The following PARD3 variants were observed in gnomAD, a reference collection of about 807,000 sequenced individuals.
PARD3 encodes par-3 family cell polarity regulator.
A neutral mutation model predicts 155.4 loss-of-function variants in PARD3; 75 were observed. The ratio of observed to expected loss-of-function variants is 0.48; its 90% CI spans 0.40 to 0.58. The LOEUF (loss-of-function observed/expected upper bound fraction) is 0.58, where lower values mean the gene tolerates loss of function less well. PARD3 is among the 20% of genes least tolerant of loss of function. PARD3 has a pLI of 0.00. For missense variants in PARD3, 1,642 were observed against 1,721.7 expected (o/e 0.95, Z 0.82); for synonymous variants, 576 against 610.5 (o/e 0.94, Z 0.83).
chr10:34,225,396 A>G (rs770648818), intron 22 of PARD3, among the ~76,000 whole-genome samples: 1 of 150,688 alleles, frequency 6.6e-6, no homozygotes, highest in Non-Finnish European at 1.5e-5. Context: ...CCCAGGCTGG[A>G]GTGCAGTGGC....
chr10:34,713,804 A>T (rs1167411369), intron 1 of PARD3, among the ~76,000 whole-genome samples: 2 of 151,828 alleles, frequency 1.3e-5, no homozygotes, highest in Non-Finnish European at 2.9e-5. Flanking sequence ...ACAACCCATA[A>T]ACATAAAATA....
chr10:34,701,460 A>G (rs2094277740), intron 1 of PARD3, among the ~76,000 whole-genome samples: 1 of 152,092 alleles, frequency 6.6e-6, no homozygotes, highest in African/African-American at 2.4e-5. Flanking sequence ...CAGATGGCCC[A>G]GAGGCGACAC....
chr10:34,759,817 G>A (rs990398784), intron 1 of PARD3, among the ~76,000 whole-genome samples: 2 of 152,192 alleles, frequency 1.3e-5, no homozygotes, highest in African/African-American at 4.8e-5. Context: ...TCCACATGTG[G>A]AATAAGAGAC....
At chr10:34,558,003 G>A (rs766010418) in intron 2 of PARD3, among the ~76,000 whole-genome samples, 13 of 151,320 alleles carry the variant, frequency 8.6e-5, no homozygotes, top group East Asian at 1.9e-4. Flanking sequence ...TACTATTCTC[G>A]TTATGATTTT....
At chr10:34,579,554 C>CTGTGTGTG (rs554959827) in intron 2 of PARD3, among the ~76,000 whole-genome samples, 9,549 of 122,400 alleles carry the variant, frequency 0.078, 347 homozygotes, top group Middle Eastern at 0.12. Context: ...ACCATTTTCT[C>CTGTGTGTG]TGTGTGTGTG....
intron 23 of PARD3, among the ~76,000 whole-genome samples, chr10:34,126,568 T>C (rs773422817): frequency 3.4e-4 from 51 of 152,126 alleles, no homozygotes; most frequent in Non-Finnish European, 6.8e-4. Flanking sequence ...GTCCCATCCC[T>C]TCCAAATACA....
chr10:34,335,798 C>A lies in PARD3; in HGVS notation c.2605+401G>T, dbSNP rs536361870. Among the ~76,000 whole-genome samples, 9 of 152,154 alleles carry A rather than the reference C, an allele frequency of 5.9e-5. No homozygotes were observed. The South Asian group carries it at 1.7e-3, about 28-fold the overall frequency. ...ATATTGGCACTATTATCTTTCAAATCAAAATCACCACTCTGAGAATCACTT... is the reference window on the plus strand; with the variant it reads ...ATATTGGCACTATTATCTTTCAAATAAAAATCACCACTCTGAGAATCACTT... On this transcript the variant is annotated intron_variant, in intron 18 of 24. Coordinates refer to ENST00000374788, the MANE Select transcript of PARD3 (RefSeq NM_001184785.2).
chr10:34,713,466 A>C (rs907450052), intron 1 of PARD3, among the ~76,000 whole-genome samples: 4 of 152,110 alleles, frequency 2.6e-5, no homozygotes, highest in African/African-American at 4.8e-5. Context: ...AGCTGTAGAA[A>C]GAACAACCAG....
At chr10:34,322,363 ATC>A (rs1958433247) in intron 19 of PARD3, among the ~76,000 whole-genome samples, 1 of 152,182 alleles carries the variant, frequency 6.6e-6, no homozygotes, top group Non-Finnish European at 1.5e-5. Context: ...CTTTGGAGAA[ATC>A]TCTCTGAAGA....
intron 20 of PARD3, among the ~76,000 whole-genome samples, chr10:34,289,535 G>T (rs1956575216): frequency 6.6e-6 from 1 of 152,006 alleles, no homozygotes; most frequent in African/African-American, 2.4e-5. Context: ...GGGATAAAAA[G>T]AAAATACCTT....
intron 7 of PARD3, among the ~76,000 whole-genome samples, chr10:34,394,896 G>T (rs1843173061): frequency 6.8e-6 from 1 of 148,026 alleles, no homozygotes. Flanking sequence ...TGGTCCTGTA[G>T]ACCAATACCT....
At chr10:34,149,431 T>C (rs1250246779) in intron 22 of PARD3, among the ~76,000 whole-genome samples, 3 of 152,134 alleles carry the variant, frequency 2.0e-5, no homozygotes, top group Non-Finnish European at 2.9e-5. Flanking sequence ...AAAATATCTT[T>C]ACAATGTAAT....
intron 22 of PARD3, among the ~76,000 whole-genome samples, chr10:34,142,116 A>C (rs1588909898): frequency 6.6e-6 from 1 of 152,300 alleles, no homozygotes; most frequent in Middle Eastern, 3.4e-3. Flanking sequence ...ACGTGGACAA[A>C]GGGCAGGGGC....
chr10:34,529,313 G>T (rs2082680627), intron 2 of PARD3, among the ~76,000 whole-genome samples: 1 of 152,122 alleles, frequency 6.6e-6, no homozygotes, highest in Non-Finnish European at 1.5e-5. Flanking sequence ...ACTTTCAAAG[G>T]ATTTTGAGAA....
intron 22 of PARD3, among the ~76,000 whole-genome samples, chr10:34,188,118 A>C (rs1166599484): frequency 6.6e-6 from 1 of 152,216 alleles, no homozygotes; most frequent in Admixed American, 6.5e-5. Flanking sequence ...TTGATTAATA[A>C]TTATTTGCAC....
intron 20 of PARD3, among the ~76,000 whole-genome samples, chr10:34,293,894 C>T (rs1196249684): frequency 6.6e-6 from 1 of 152,162 alleles, no homozygotes; most frequent in Non-Finnish European, 1.5e-5. Context: ...TAATCATACC[C>T]TACATCTGGT....
intron 22 of PARD3, among the ~76,000 whole-genome samples, chr10:34,133,214 C>T (rs763231842): frequency 3.9e-5 from 6 of 152,174 alleles, no homozygotes; most frequent in Non-Finnish European, 7.3e-5. Flanking sequence ...AAGAGCACTG[C>T]AACATGCCCA....
At chr10:34,136,647 A>T (rs1372549463) in intron 22 of PARD3, among the ~76,000 whole-genome samples, 2 of 152,222 alleles carry the variant, frequency 1.3e-5, no homozygotes, top group Non-Finnish European at 2.9e-5. Flanking sequence ...AAACTCTGGT[A>T]CAGGAGAAGA....
chr10:34,474,008 G>A (rs2078533740), intron 3 of PARD3, among the ~76,000 whole-genome samples: 1 of 152,094 alleles, frequency 6.6e-6, no homozygotes, highest in South Asian at 2.1e-4. Flanking sequence ...ACCTTTATGG[G>A]CTAAGCCCCA....
Sources: gnomAD v4.1 joint callset for allele counts (sites outside exome capture counted in the v4.1 genomes callset) on GRCh38, gnomAD v4.1.1 for gene constraint, MANE v1.5 for transcripts, NCBI Gene and HGNC (gene_info 2026-07-23, HGNC 2026-07-21) for gene names.